DDI2: variants seen among roughly 807,000 people sequenced by gnomAD.
DDI2 encodes the protein DDI proteasomal shuttling factor 2.
In DDI2, 5 loss-of-function variants were observed where a neutral mutation model predicts 48.1. That is an observed-to-expected ratio of 0.10 (90% confidence interval 0.05 to 0.22). The LOEUF (loss-of-function observed/expected upper bound fraction) is 0.22, where lower values mean the gene tolerates loss of function less well. DDI2 is among the 10% of genes least tolerant of loss of function. DDI2 has a pLI of 1.00. For missense variants in DDI2, 285 were observed against 506.2 expected (o/e 0.56, Z 4.19); for synonymous variants, 205 against 183.6 (o/e 1.12, Z -0.94).
At chr1:15,624,048 G>C (rs747658421) in intron 1 of DDI2, among the ~76,000 whole-genome samples, 3 of 152,094 alleles carry the variant, frequency 2.0e-5, no homozygotes, top group Admixed American at 6.5e-5. Context: ...GCGAGACTCC[G>C]TCTCAAAATA....
At chr1:15,637,314 A>G (rs1639944304) in intron 4 of DDI2, among the ~76,000 whole-genome samples, 1 of 151,918 alleles carries the variant, frequency 6.6e-6, no homozygotes, top group South Asian at 2.1e-4. Context: ...CAAGGGATCC[A>G]CCTACTTTGG....
rs370728497 is a variant in DDI2, at chr1:15,634,539, C to CT, written c.632+985dup. 5.4e-4 allele frequency among the ~76,000 whole-genome samples: 54 copies of CT among 100,132 alleles called. 2 individuals are homozygous for CT. Among genetic ancestry groups the CT allele is most frequent in the Admixed American group, 2.5e-3 (23 of 9,264 alleles). The allele number at this position is 100,132 out of a possible 152,430, so 65.7% of individuals were successfully genotyped here. On this transcript the variant is annotated intron_variant, in intron 4 of 9. Transcript: ENST00000480945. ...TTTTTAAACTTCTTATTCTTTTTAT[C>CT]TTTTTTTTTTTGAGACAAGGTCTCA...
chr1:15,646,357 T>A (rs1184002415), intron 6 of DDI2, among the ~76,000 whole-genome samples: 1 of 152,194 alleles, frequency 6.6e-6, no homozygotes, highest in Non-Finnish European at 1.5e-5. Context: ...AAAATTTTGT[T>A]CCTGTGGTCT....
chr1:15,649,942 G>A (rs1570986181), intron 7 of DDI2, 119 bp downstream of exon 7: 2 of 935,296 alleles, frequency 2.1e-6, no homozygotes, highest in East Asian at 5.8e-5. Context: ...TTCAAACCTG[G>A]AAATGTCCTT....
intron 5 of DDI2, among the ~76,000 whole-genome samples, chr1:15,643,167 ACGGCT>A (rs1640036841): frequency 1.3e-5 from 2 of 152,342 alleles, no homozygotes; most frequent in South Asian, 4.1e-4. Context: ...CCAGGAGGCG[ACGGCT>A]TAGAGATACT....
At chr1:15,629,552 G>A (rs868783710) in intron 2 of DDI2, among the ~76,000 whole-genome samples, 7 of 149,434 alleles carry the variant, frequency 4.7e-5, no homozygotes, top group African/African-American at 1.5e-4. Context: ...AGGCAAGATC[G>A]TGCCATTGCA....
chr1:15,636,483 C>CAG (rs1553153763), intron 4 of DDI2, among the ~76,000 whole-genome samples: 2 of 142,316 alleles, frequency 1.4e-5, no homozygotes, highest in Admixed American at 7.1e-5. Flanking sequence ...TAAAACAGGG[C>CAG]AAAAAAAAAA....
intron 3 of DDI2, 60 bp downstream of exon 3, chr1:15,630,621 G>T: frequency 3.3e-6 from 4 of 1,196,006 alleles, no homozygotes; most frequent in Non-Finnish European, 5.0e-6. Context: ...CTGTGTCATA[G>T]CAAATGTGAA....
intron 1 of DDI2, among the ~76,000 whole-genome samples, chr1:15,625,483 A>G (rs1009921178): frequency 1.3e-5 from 2 of 152,038 alleles, no homozygotes; most frequent in Non-Finnish European, 2.9e-5. Context: ...GCAACACATT[A>G]TTTCATCTAT....
chr1:15,643,961 CAT>C (rs2103473432), intron 6 of DDI2, among the ~76,000 whole-genome samples: 1 of 152,234 alleles, frequency 6.6e-6, no homozygotes, highest in East Asian at 1.9e-4. Context: ...TTCTAAATAA[CAT>C]GTTTATTTTG....
chr1:15,630,376 C>A lies in DDI2; in HGVS notation c.320C>A (p.Pro107His). The change falls in exon 3 of 10, where the codon CCC becomes CAC. Residue 107 changes from proline to histidine, a missense_variant. Coordinates refer to ENST00000480945, the MANE Select transcript of DDI2 (RefSeq NM_032341.5). The part of the protein sequence containing the change: ...SSIAVPGTSS[P>H]RQRQPPGTQQ... The stretch of plus-strand genomic sequence containing the variant: ...ATAGCTGTGCCTGGCACATCAAGTC[C>A]CCGGCAGCGCCAGCCACCAGGAACA... 1 of 1,614,156 alleles carries A rather than the reference C, an allele frequency of 6.2e-7. No individual in the cohort carries two copies. Among genetic ancestry groups the A allele is most frequent in the South Asian group, 1.1e-5 (1 of 91,080 alleles).
chr1:15,633,425 C>T lies in DDI2; in HGVS notation c.506-14C>T, dbSNP rs753617568. 8.7e-6 allele frequency: 14 copies of T among 1,608,536 alleles called. No homozygotes were observed. Among genetic ancestry groups the T allele is most frequent in the Non-Finnish European group, 1.1e-5 (13 of 1,178,008 alleles). On this transcript the variant is annotated splice_polypyrimidine_tract_variant and intron_variant, in intron 3 of 9. Transcript: ENST00000480945. ...TATAGTGATATTTAAGATTTTTCTC[C>T]CTTATTTTTGTAGAGAAATTTTCTA...
intron 5 of DDI2, among the ~76,000 whole-genome samples, chr1:15,641,792 TA>T (rs1170997691): frequency 2.0e-5 from 3 of 151,624 alleles, no homozygotes; most frequent in Admixed American, 2.0e-4. Context: ...CCATCTCTAC[TA>T]AAAATACAAA....
chr1:15,626,502 C>T (rs1639757115), intron 1 of DDI2, among the ~76,000 whole-genome samples, 167 bp from the exon 2 acceptor site: 1 of 152,150 alleles, frequency 6.6e-6, no homozygotes, highest in South Asian at 2.1e-4. Context: ...TTGTTTGGTC[C>T]TGCTAGGTGA....
chr1:15,642,729 G>A (rs919284790), intron 5 of DDI2, among the ~76,000 whole-genome samples: 2 of 152,176 alleles, frequency 1.3e-5, no homozygotes, highest in African/African-American at 4.8e-5. Context: ...TTCCAGACCA[G>A]CCTGGCCAAC....
chr1:15,619,434 A>G (rs1413759170), intron 1 of DDI2, among the ~76,000 whole-genome samples: 1 of 146,706 alleles, frequency 6.8e-6, no homozygotes, highest in African/African-American at 2.5e-5. Flanking sequence ...ACAACTCTTC[A>G]ATTTTTGATA....
chr1:15,660,892 G>T lies in DDI2; in HGVS notation c.*1102G>T, dbSNP rs749731830. The T allele has an allele frequency of 1.2e-6, 2 of 1,614,108 alleles. No homozygotes were observed. The highest frequency in any genetic ancestry group is 3.3e-5 in the Admixed American group (2 of 60,012). On this transcript the variant is annotated 3_prime_UTR_variant, in exon 10 of 10. Coordinates refer to ENST00000480945, the MANE Select transcript of DDI2 (RefSeq NM_032341.5). ...TCTCTGTGGCAGTTGTCAGCCTTCT[G>T]TGGAGTCAGCAGAAGAATCTTGCCC...
intron 5 of DDI2, among the ~76,000 whole-genome samples, chr1:15,641,312 A>G (rs1640004368): frequency 6.6e-6 from 1 of 151,834 alleles, no homozygotes. Context: ...TGTCTATTAA[A>G]AACACAAAAT....
intron 2 of DDI2, among the ~76,000 whole-genome samples, 182 bp from the exon 3 acceptor site, chr1:15,630,143 A>G (rs766269727): frequency 3.3e-5 from 5 of 152,086 alleles, no homozygotes; most frequent in Non-Finnish European, 5.9e-5. Flanking sequence ...TTCTTCTTCT[A>G]TCGATTCACT....
Sources: allele counts gnomAD v4.1 joint callset (sites outside exome capture counted in the v4.1 genomes callset), GRCh38; gene constraint gnomAD v4.1.1; transcripts MANE v1.5; gene names NCBI Gene and HGNC (gene_info 2026-07-23, HGNC 2026-07-21).